Variants in GAK observed in about 807,000 individuals in gnomAD.
GAK encodes the protein cyclin-G-associated kinase.
A neutral mutation model predicts 143.9 loss-of-function variants in GAK; 79 were observed. That is an observed-to-expected ratio of 0.55 (90% CI 0.46 to 0.66). The LOEUF is 0.66. Ranked by LOEUF, GAK falls within the 30% of genes least tolerant of loss-of-function variation. The probability of loss-of-function intolerance (pLI) is 0.00; values close to 1 mark genes in which losing one functional copy is unlikely to be tolerated. For synonymous variants in GAK, 881 were observed against 765.5 expected (o/e 1.15, Z -2.49); for missense variants, 1,693 against 1,779.7 (o/e 0.95, Z 0.88).
chr4:857,224 A>C (rs1191304361), intron 24 of GAK, among the ~76,000 whole-genome samples: 1 of 152,116 alleles, frequency 6.6e-6, no homozygotes. Context: ...TATTTGCTGA[A>C]GTTTGGTTGA....
chr4:890,729 C>T, intron 9 of GAK, 107 bp from the exon 10 acceptor site: 1 of 850,116 alleles, frequency 1.2e-6, no homozygotes, highest in East Asian at 2.7e-5. Flanking sequence ...TCCTTCTGCC[C>T]CCTGATCTAT....
rs779431411 is a variant in GAK, at chr4:872,064, C to T, written c.2055-1160G>A. ...GGAACACCCAGAGCAGAGTGGGATC[C>T]GCCGAGGGAGGGCAGGGAGACGGGC... is the stretch of plus-strand genomic sequence containing the variant. On this transcript the variant is annotated intron_variant, in intron 18 of 27. Transcript: ENST00000314167. Among the ~76,000 whole-genome samples, 14 of 152,200 alleles carry T rather than the reference C, an allele frequency of 9.2e-5. No individual in the cohort carries two copies. In the East Asian group the frequency reaches 1.9e-3, roughly 21 times the overall value.
intron 23 of GAK, among the ~76,000 whole-genome samples, chr4:863,177 G>C (rs984165919): frequency 6.6e-6 from 1 of 152,252 alleles, no homozygotes; most frequent in Non-Finnish European, 1.5e-5. Context: ...AGGAGTTGAA[G>C]ACTTCAGTGC....
chr4:868,027 G>A (rs1023722929), intron 20 of GAK, among the ~76,000 whole-genome samples: 5 of 152,226 alleles, frequency 3.3e-5, no homozygotes, highest in Non-Finnish European at 5.9e-5. Flanking sequence ...GGACGAGCCC[G>A]ATGGGAAGGC....
intron 7 of GAK, among the ~76,000 whole-genome samples, chr4:895,218 C>G (rs950074688): frequency 6.6e-6 from 1 of 152,212 alleles, no homozygotes; most frequent in Non-Finnish European, 1.5e-5. Context: ...AAGCAGCCTC[C>G]TCAGTCTGCT....
chr4:912,371 G>A (rs1722201437), intron 3 of GAK: 5 of 369,010 alleles, frequency 1.4e-5, no homozygotes, highest in Non-Finnish European at 1.6e-5. Context: ...GGGGCCTGTG[G>A]GAGCCAGGCC....
chr4:890,790 T>A (rs1560372710), intron 9 of GAK, among the ~76,000 whole-genome samples, 168 bp from the exon 10 acceptor site: 1 of 152,150 alleles, frequency 6.6e-6, no homozygotes, highest in Non-Finnish European at 1.5e-5. Flanking sequence ...CAGCTGGAAC[T>A]CAACAAACGC....
Position 931,539 on chromosome 4 carries a change from C to T in GAK, c.145+504G>A, listed in dbSNP as rs113158965. Among the ~76,000 whole-genome samples, 51 of 152,130 alleles carry T rather than the reference C, an allele frequency of 3.4e-4. 2 individuals are homozygous for T. Among genetic ancestry groups the T allele is most frequent in the African/African-American group, 1.2e-3 (48 of 41,496 alleles). ...CCTCCAAAGTCCAGTCCTGTCCCTG[C>T]CTGCTCAATAACCCCAGATGTCCGG... On this transcript the variant is annotated intron_variant, in intron 1 of 27. Coordinates refer to ENST00000314167, the MANE Select transcript of GAK (RefSeq NM_005255.4).
At chr4:921,173 G>A (rs138305033) in intron 1 of GAK, among the ~76,000 whole-genome samples, 2,370 of 152,192 alleles carry the variant, frequency 0.016, 56 homozygotes, top group African/African-American at 0.054. Flanking sequence ...CACAATCTCA[G>A]TTGACTGTAG....
intron 4 of GAK, among the ~76,000 whole-genome samples, chr4:910,119 A>C (rs1465874724): frequency 6.6e-6 from 1 of 152,170 alleles, no homozygotes; most frequent in East Asian, 1.9e-4. Flanking sequence ...GCCCGCAGGC[A>C]GTCAGGTCTC....
intron 1 of GAK, among the ~76,000 whole-genome samples, chr4:917,297 A>G (rs1423529899): frequency 6.6e-6 from 1 of 152,080 alleles, no homozygotes; most frequent in Non-Finnish European, 1.5e-5. Flanking sequence ...AGAAAATGCA[A>G]ATGAATCTAT....
chr4:882,064 C>T (rs1211865394), intron 14 of GAK, 24 bp from the exon 15 acceptor site: 57 of 1,579,486 alleles, frequency 3.6e-5, no homozygotes, highest in Non-Finnish European at 4.6e-5. Context: ...ACACGTCTCG[C>T]GTGCGCCTCG....
intron 15 of GAK, among the ~76,000 whole-genome samples, chr4:881,174 G>A (rs1308796283): frequency 3.3e-5 from 5 of 152,192 alleles, no homozygotes; most frequent in African/African-American, 1.2e-4. Flanking sequence ...GTCCCCTGAC[G>A]CTTGGGTCCC....
chr4:929,248 C>T (rs556700113), intron 1 of GAK, among the ~76,000 whole-genome samples: 3 of 152,358 alleles, frequency 2.0e-5, no homozygotes, highest in Admixed American at 6.5e-5. Context: ...GCTAACACTG[C>T]GCATGGCACA....
intron 25 of GAK, 183 bp downstream of exon 25, chr4:851,567 C>T: frequency 1.6e-6 from 1 of 632,898 alleles, no homozygotes. Context: ...AAGAGGGACC[C>T]AGAGGCCTGA....
chr4:880,444 G>C (rs1714865697), intron 15 of GAK, among the ~76,000 whole-genome samples: 1 of 152,228 alleles, frequency 6.6e-6, no homozygotes, highest in African/African-American at 2.4e-5. Context: ...GCAGAAGAAA[G>C]GGTCTCGGCC....
rs987712579 is a variant in GAK, at chr4:881,781, G to A, written c.1661+126C>T. The A allele has an allele frequency of 9.2e-5, 111 of 1,202,388 alleles. No homozygotes were observed. In the East Asian group the frequency reaches 2.2e-3, roughly 24 times the overall value. The allele number at this position is 1,202,388 out of a possible 1,614,324, so 74.5% of individuals were successfully genotyped here. ...GGCTCAGCCATGGCTCCGCGAGGCCGGGCCTGCCTTTCCCACCAGCGCCTG... is the reference window on the plus strand; with the variant it reads ...GGCTCAGCCATGGCTCCGCGAGGCCAGGCCTGCCTTTCCCACCAGCGCCTG... On this transcript the variant is annotated intron_variant, in intron 15 of 27. Coordinates refer to ENST00000314167, the MANE Select transcript of GAK (RefSeq NM_005255.4).
intron 4 of GAK, among the ~76,000 whole-genome samples, chr4:909,583 A>G (rs1454186757): frequency 6.6e-6 from 1 of 152,156 alleles, no homozygotes; most frequent in Non-Finnish European, 1.5e-5. Flanking sequence ...CACACAGCAC[A>G]GCCTCACCAA....
intron 18 of GAK, among the ~76,000 whole-genome samples, chr4:874,830 C>A (rs191259569): frequency 6.6e-6 from 1 of 152,290 alleles, no homozygotes; most frequent in Admixed American, 6.5e-5. Flanking sequence ...GCATGCCAGG[C>A]CCCTGCAGTG....
Sources: gnomAD v4.1 joint callset for allele counts (sites outside exome capture counted in the v4.1 genomes callset) on GRCh38, gnomAD v4.1.1 for gene constraint, MANE v1.5 for transcripts, NCBI Gene and HGNC (gene_info 2026-07-23, HGNC 2026-07-21) for gene names.